The following ANXA7 variants were observed in gnomAD, a reference collection of about 807,000 sequenced individuals.
The protein encoded by ANXA7 is annexin VII.
In ANXA7, 55 loss-of-function variants were observed where a neutral mutation model predicts 64.9. That is an observed-to-expected ratio of 0.85 (90% CI 0.68 to 1.06). The LOEUF (loss-of-function observed/expected upper bound fraction) is 1.06, where lower values mean the gene tolerates loss of function less well. Among genes scored for constraint, ANXA7 ranks in the 50% least tolerant of loss-of-function variants. The pLI, the probability that ANXA7 is intolerant of heterozygous loss-of-function variation, is 0.00. For synonymous variants in ANXA7, 200 were observed against 192.4 expected (o/e 1.04, Z -0.33); for missense variants, 548 against 582.1 (o/e 0.94, Z 0.60).
intron 1 of ANXA7, among the ~76,000 whole-genome samples, chr10:73,403,501 A>AAAC (rs958497599): frequency 6.6e-6 from 1 of 152,156 alleles, no homozygotes; most frequent in Non-Finnish European, 1.5e-5. Context: ...AAAAAAAACA[A>AAAC]AACAACAACA....
At chr10:73,386,978 A>G (rs1589650679) in intron 7 of ANXA7, among the ~76,000 whole-genome samples, 1 of 152,166 alleles carries the variant, frequency 6.6e-6, no homozygotes, top group Admixed American at 6.5e-5. Context: ...CTCAGTCCAT[A>G]TAATTTTAAC....
At chr10:73,392,774 C>A (rs564413172) in intron 5 of ANXA7, among the ~76,000 whole-genome samples, 2 of 152,194 alleles carry the variant, frequency 1.3e-5, no homozygotes, top group East Asian at 1.9e-4. Flanking sequence ...TGGAAGCATT[C>A]CCTTTGAAAA....
At chr10:73,397,643 A>G (rs1257887174) in intron 3 of ANXA7, among the ~76,000 whole-genome samples, 1 of 152,088 alleles carries the variant, frequency 6.6e-6, no homozygotes, top group African/African-American at 2.4e-5. Context: ...TTTTTAGTAG[A>G]GACAGGGTTT....
At chr10:73,401,835 A>G (rs1472756528) in intron 1 of ANXA7, among the ~76,000 whole-genome samples, 1 of 152,160 alleles carries the variant, frequency 6.6e-6, no homozygotes, top group Non-Finnish European at 1.5e-5. Flanking sequence ...GGCAGTCCTC[A>G]CCAGATGCCA....
At chr10:73,393,340 C>A in intron 5 of ANXA7, among the ~76,000 whole-genome samples, 1 of 152,048 alleles carries the variant, frequency 6.6e-6, no homozygotes, top group East Asian at 1.9e-4. Context: ...ACTTTCTTCA[C>A]AGAATTGGAA....
intron 1 of ANXA7, among the ~76,000 whole-genome samples, chr10:73,408,698 A>T (rs1404159330): frequency 6.6e-6 from 1 of 152,212 alleles, no homozygotes; most frequent in Non-Finnish European, 1.5e-5. Context: ...AAAGACTAGA[A>T]TGCAATTCCA....
chr10:73,385,738 G>A (rs559175155), intron 7 of ANXA7, among the ~76,000 whole-genome samples: 1 of 152,274 alleles, frequency 6.6e-6, no homozygotes, highest in South Asian at 2.1e-4. Context: ...AGAATAGTGA[G>A]TCTGATGTTG....
chr10:73,398,322 G>A lies in ANXA7; in HGVS notation c.118C>T (p.Pro40Ser). The A allele has an allele frequency of 6.2e-7, 1 of 1,614,110 alleles. No homozygotes were observed. Among genetic ancestry groups the A allele is most frequent in the Non-Finnish European group, 8.5e-7 (1 of 1,180,002 alleles). Reference sequence around the variant, plus strand: ...TGTGGGTAGGCACCTCCTCCCATTGGAGGAAAGCCACTAGGATAAGGATAC... The same window carrying A: ...TGTGGGTAGGCACCTCCTCCCATTGAAGGAAAGCCACTAGGATAAGGATAC... Reference protein sequence around the residue: ...GQYPYPSGFPPMGGGAYPQVP... With the variant: ...GQYPYPSGFPSMGGGAYPQVP... Residue 40 changes from proline (P) to serine (S), a missense_variant, in exon 3 of 13, where the codon CCA becomes TCA. By Grantham distance (74) the Pro-to-Ser change is moderately conservative. Transcript: ENST00000372921.
At chr10:73,386,719 G>A (rs1187870623) in intron 7 of ANXA7, among the ~76,000 whole-genome samples, 1 of 152,086 alleles carries the variant, frequency 6.6e-6, no homozygotes, top group Non-Finnish European at 1.5e-5. Context: ...CTAGGCTACA[G>A]TGCAGTAACA....
intron 5 of ANXA7, chr10:73,396,013 T>G: frequency 7.3e-7 from 1 of 1,374,940 alleles, no homozygotes; most frequent in East Asian, 2.3e-5. Context: ...AAGGACCTAG[T>G]GATTAGTAAA....
At chr10:73,381,823 T>G (rs2132655033) in intron 9 of ANXA7, among the ~76,000 whole-genome samples, 1 of 152,314 alleles carries the variant, frequency 6.6e-6, no homozygotes, top group Non-Finnish European at 1.5e-5. Context: ...TCAATTTCCT[T>G]CAACCCATTT....
At chr10:73,377,773 G>GGGGTGTGTGTGGGTGTGTGT (rs1554815379) in intron 12 of ANXA7, among the ~76,000 whole-genome samples, 1 of 124,822 alleles carries the variant, frequency 8.0e-6, no homozygotes, top group African/African-American at 3.2e-5. Flanking sequence ...GGTGGGTGTG[G>GGGGTGTGTGTGGGTGTGTGT]GTGTGTGTGT....
intron 5 of ANXA7, among the ~76,000 whole-genome samples, chr10:73,392,972 TC>T (rs1262876833): frequency 6.6e-6 from 1 of 152,146 alleles, no homozygotes; most frequent in African/African-American, 2.4e-5. Context: ...CAGCCCAAAA[TC>T]TCCTTAAGCT....
At chr10:73,377,588 A>C (rs1448038455) in intron 12 of ANXA7, 13 of 151,956 alleles carry the variant, frequency 8.6e-5, no homozygotes, top group South Asian at 4.2e-4. Flanking sequence ...AAAAAAAAAA[A>C]AAAAAAAAAA....
intron 1 of ANXA7, among the ~76,000 whole-genome samples, chr10:73,403,296 C>T (rs1274992872): frequency 6.6e-6 from 1 of 152,174 alleles, no homozygotes; most frequent in Non-Finnish European, 1.5e-5. Flanking sequence ...TGAGATCAGC[C>T]TGGGCAACAA....
Position 73,387,872 on chromosome 10 carries a change from A to G in ANXA7, c.539-89T>C, listed in dbSNP as rs569040195. ...TTTTTTTTTTTTTTTTTTTTTTGAG[A>G]CGGAGTTTGTCACCCAGACTGGGGG... On this transcript the variant is annotated intron_variant, in intron 6 of 12. Transcript: ENST00000372921. The G allele has an allele frequency of 8.5e-5, 81 of 953,804 alleles. No homozygotes were observed. In the African/African-American group the frequency reaches 1.4e-3, roughly 17 times the overall value. The allele number at this position is 953,804 out of a possible 1,614,324, so 59.1% of individuals were successfully genotyped here.
At chr10:73,403,131 G>A (rs1428114436) in intron 1 of ANXA7, among the ~76,000 whole-genome samples, 1 of 152,114 alleles carries the variant, frequency 6.6e-6, no homozygotes, top group African/African-American at 2.4e-5. Flanking sequence ...CACATACTCT[G>A]TTTCTTTACT....
At chr10:73,391,959 T>A (rs1360401902) in intron 5 of ANXA7, among the ~76,000 whole-genome samples, 1 of 151,886 alleles carries the variant, frequency 6.6e-6, no homozygotes, top group Non-Finnish European at 1.5e-5. Context: ...CATATGAGAC[T>A]AATAAAAAAG....
intron 5 of ANXA7, chr10:73,395,798 A>G (rs1045745310): frequency 3.7e-6 from 2 of 545,022 alleles, no homozygotes; most frequent in Middle Eastern, 2.8e-4. Flanking sequence ...AAAAAAAAAA[A>G]AAAGAAGCCA....
Sources: gnomAD v4.1 joint callset for allele counts (sites outside exome capture counted in the v4.1 genomes callset) on GRCh38, gnomAD v4.1.1 for gene constraint, MANE v1.5 for transcripts, NCBI Gene and HGNC (gene_info 2026-07-23, HGNC 2026-07-21) for gene names.